Variants in LMX1A observed in about 807,000 individuals in gnomAD.
The protein encoded by LMX1A is LIM homeobox transcription factor 1 alpha.
A neutral mutation model predicts 49.1 loss-of-function variants in LMX1A; 15 were observed. The observed-to-expected ratio is 0.31, with a 90% confidence interval of 0.20 to 0.47. LMX1A has a LOEUF of 0.47. Among genes scored for constraint, LMX1A ranks in the 20% least tolerant of loss-of-function variants. LMX1A has a pLI of 1.00. For synonymous variants in LMX1A, 167 were observed against 185.7 expected (o/e 0.90, Z 0.82); for missense variants, 372 against 475.8 (o/e 0.78, Z 2.03).
intron 4 of LMX1A, among the ~76,000 whole-genome samples, chr1:165,225,590 T>C (rs937325294): frequency 6.6e-5 from 10 of 152,216 alleles, no homozygotes; most frequent in African/African-American, 1.4e-4. Context: ...AGGAAAAACA[T>C]TGTTACTCCG....
intron 3 of LMX1A, among the ~76,000 whole-genome samples, chr1:165,348,405 A>C (rs148264004): frequency 6.6e-6 from 1 of 152,108 alleles, no homozygotes; most frequent in Admixed American, 6.5e-5. Flanking sequence ...GTTTCCAATC[A>C]CCCTCCAAAA....
intron 3 of LMX1A, among the ~76,000 whole-genome samples, chr1:165,316,195 T>C (rs1167261913): frequency 6.6e-6 from 1 of 152,224 alleles, no homozygotes. Context: ...TGTATGTGCA[T>C]GTGTATGTTG....
intron 3 of LMX1A, 35 bp from the exon 4 acceptor site, chr1:165,249,675 G>A: frequency 6.4e-7 from 1 of 1,562,308 alleles, no homozygotes; most frequent in Non-Finnish European, 8.8e-7. Context: ...CATGCACCAT[G>A]AGTAAAATCT....
At chr1:165,354,400 G>A (rs1656529713) in intron 2 of LMX1A, among the ~76,000 whole-genome samples, 1 of 152,190 alleles carries the variant, frequency 6.6e-6, no homozygotes, top group Non-Finnish European at 1.5e-5. Context: ...GAGAGCGAAC[G>A]TGGGCCGAGC....
At chr1:165,260,804 T>C (rs1653411114) in intron 3 of LMX1A, among the ~76,000 whole-genome samples, 1 of 152,146 alleles carries the variant, frequency 6.6e-6, no homozygotes, top group Non-Finnish European at 1.5e-5. Flanking sequence ...AGTAAAAATC[T>C]CCCTGTGGCA....
intron 3 of LMX1A, among the ~76,000 whole-genome samples, chr1:165,269,138 A>C (rs1653711991): frequency 6.6e-6 from 1 of 152,198 alleles, no homozygotes; most frequent in Non-Finnish European, 1.5e-5. Context: ...GCTCTGGGAC[A>C]AAAGAGGGTG....
At chr1:165,314,026 C>T (rs1655150249) in intron 3 of LMX1A, among the ~76,000 whole-genome samples, 1 of 152,152 alleles carries the variant, frequency 6.6e-6, no homozygotes. Context: ...ATGGCAGGGG[C>T]CAGCCCTCAC....
chr1:165,289,190 C>T (rs1355848815), intron 3 of LMX1A, among the ~76,000 whole-genome samples: 1 of 151,832 alleles, frequency 6.6e-6, no homozygotes, highest in Non-Finnish European at 1.5e-5. Flanking sequence ...TTAAAATCCA[C>T]TGACCCAAAG....
intron 3 of LMX1A, among the ~76,000 whole-genome samples, chr1:165,320,361 T>C (rs1655349484): frequency 6.6e-6 from 1 of 152,164 alleles, no homozygotes; most frequent in Non-Finnish European, 1.5e-5. Flanking sequence ...CCCACCCCAA[T>C]GTGATTGTTA....
At chr1:165,345,557 T>TA (rs1656216804) in intron 3 of LMX1A, among the ~76,000 whole-genome samples, 1 of 152,144 alleles carries the variant, frequency 6.6e-6, no homozygotes, top group African/African-American at 2.4e-5. Flanking sequence ...TAGCAGGACA[T>TA]AATCCAGCAT....
At chr1:165,328,837 T>C (rs1655659283) in intron 3 of LMX1A, among the ~76,000 whole-genome samples, 1 of 152,216 alleles carries the variant, frequency 6.6e-6, no homozygotes, top group South Asian at 2.1e-4. Flanking sequence ...TAATCTCAGC[T>C]CACAGTGCAA....
chr1:165,339,232 GCTGGGTACAGA>G (rs1655992398), intron 3 of LMX1A, among the ~76,000 whole-genome samples: 1 of 152,216 alleles, frequency 6.6e-6, no homozygotes, highest in African/African-American at 2.4e-5. Flanking sequence ...AACAGCAGTA[GCTGGGTACAGA>G]CTGTGTTACT....
intron 3 of LMX1A, among the ~76,000 whole-genome samples, chr1:165,324,263 C>T (rs554709612): frequency 6.6e-6 from 1 of 152,316 alleles, no homozygotes; most frequent in Admixed American, 6.5e-5. Flanking sequence ...AACATCCGAG[C>T]TGTGAGCAGC....
rs1037021573 is a variant in LMX1A at position 165,249,316 on chromosome 1, A to G, written c.496+92T>C. On this transcript the variant is annotated intron_variant, in intron 4 of 8. Coordinates refer to ENST00000342310, the MANE Select transcript of LMX1A (RefSeq NM_177398.4). ...TTGCCATGGAGCTAGGCTGCCCTGG[A>G]GGCTGGCCATCTAGGGAAGAAACAA... The G allele has an allele frequency of 1.4e-5, 12 of 843,142 alleles. No homozygotes were observed. In the Admixed American group the frequency reaches 2.3e-4, roughly 16 times the overall value. The allele number at this position is 843,142 out of a possible 1,614,324, so 52.2% of individuals were successfully genotyped here.
chr1:165,262,831 A>AAAT (rs140476932), intron 3 of LMX1A, among the ~76,000 whole-genome samples: 3,545 of 152,076 alleles, frequency 0.023, 126 homozygotes, highest in African/African-American at 0.082. Context: ...AAAAAAAAAA[A>AAAT]TTTTAATTAC....
intron 3 of LMX1A, among the ~76,000 whole-genome samples, chr1:165,302,320 T>G (rs1262242622): frequency 2.6e-5 from 4 of 151,942 alleles, no homozygotes; most frequent in Non-Finnish European, 5.9e-5. Context: ...GGTGCATGCG[T>G]GTAATCCCAG....
intron 3 of LMX1A, among the ~76,000 whole-genome samples, chr1:165,298,271 G>A (rs1654676000): frequency 6.6e-6 from 1 of 152,204 alleles, no homozygotes; most frequent in Admixed American, 6.5e-5. Context: ...CTGCCGGTGA[G>A]GGCCTCCATC....
chr1:165,293,147 A>AAAAC (rs1654526143), intron 3 of LMX1A, among the ~76,000 whole-genome samples: 1 of 151,932 alleles, frequency 6.6e-6, no homozygotes, highest in Non-Finnish European at 1.5e-5. Context: ...CAAAACAAAA[A>AAAAC]AAAAACCTTA....
At chr1:165,261,954 G>A (rs1653453203) in intron 3 of LMX1A, among the ~76,000 whole-genome samples, 1 of 152,128 alleles carries the variant, frequency 6.6e-6, no homozygotes, top group Non-Finnish European at 1.5e-5. Flanking sequence ...GGTGATAGTA[G>A]CACAACAGTA....
Sources: gnomAD v4.1 joint callset for allele counts (sites outside exome capture counted in the v4.1 genomes callset) on GRCh38, gnomAD v4.1.1 for gene constraint, MANE v1.5 for transcripts, NCBI Gene and HGNC (gene_info 2026-07-23, HGNC 2026-07-21) for gene names.